The following POU6F2 variants were observed in gnomAD, a reference collection of about 807,000 sequenced individuals.
POU6F2 encodes POU domain, class 6, transcription factor 2.
In POU6F2, 31 loss-of-function variants were observed where a neutral mutation model predicts 71.3. The ratio of observed to expected loss-of-function variants is 0.43; its 90% CI spans 0.33 to 0.59. POU6F2 has a LOEUF of 0.59. Among genes scored for constraint, POU6F2 ranks in the 20% least tolerant of loss-of-function variants. The pLI is 0.04. For synonymous variants in POU6F2, 347 were observed against 355.7 expected, an observed-to-expected ratio of 0.98 and a Z score of 0.27; for missense variants, 783 against 856.8, an observed-to-expected ratio of 0.91 and a Z score of 1.07.
At chr7:39,342,761 A>G (rs1785944617) in intron 5 of POU6F2, among the ~76,000 whole-genome samples, 1 of 152,186 alleles carries the variant, frequency 6.6e-6, no homozygotes, top group African/African-American at 2.4e-5. Flanking sequence ...AGGTAGTAAC[A>G]CTCTAAACAA....
At chr7:38,996,578 A>G (rs1454075641) in intron 1 of POU6F2, among the ~76,000 whole-genome samples, 1 of 152,152 alleles carries the variant, frequency 6.6e-6, no homozygotes, top group Non-Finnish European at 1.5e-5. Context: ...ATCTACCTAG[A>G]AAACATCCAT....
chr7:39,048,562 C>T (rs182168633), intron 1 of POU6F2, among the ~76,000 whole-genome samples: 311 of 151,936 alleles, frequency 2.0e-3, no homozygotes, highest in African/African-American at 7.0e-3. Flanking sequence ...GTATATGTAC[C>T]GTGTTTTCTT....
chr7:39,000,979 G>A (rs1198552769), intron 1 of POU6F2, among the ~76,000 whole-genome samples: 3 of 152,096 alleles, frequency 2.0e-5, no homozygotes, highest in Non-Finnish European at 2.9e-5. Context: ...AGTATTTATC[G>A]TTTAAAATGA....
intron 5 of POU6F2, among the ~76,000 whole-genome samples, chr7:39,391,252 A>T (rs1330844548): frequency 6.6e-6 from 1 of 152,188 alleles, no homozygotes; most frequent in Non-Finnish European, 1.5e-5. Flanking sequence ...TTAGAAAAGT[A>T]AACATGTTTA....
chr7:39,358,062 A>G (rs1467578198), intron 5 of POU6F2, among the ~76,000 whole-genome samples: 1 of 152,248 alleles, frequency 6.6e-6, no homozygotes, highest in Non-Finnish European at 1.5e-5. Context: ...TTAGATTACA[A>G]TTCAAGCAAA....
At chr7:39,026,030 C>G (rs1789792289) in intron 1 of POU6F2, among the ~76,000 whole-genome samples, 1 of 152,202 alleles carries the variant, frequency 6.6e-6, no homozygotes, top group African/African-American at 2.4e-5. Context: ...CAGAGAAATG[C>G]AAATCGAAAC....
chr7:39,299,920 A>C (rs1001591911), intron 4 of POU6F2, among the ~76,000 whole-genome samples: 2 of 152,164 alleles, frequency 1.3e-5, no homozygotes, highest in Non-Finnish European at 2.9e-5. Context: ...CCAAACAGCC[A>C]CTGTTGTTTC....
rs553160330 is a variant in POU6F2 at position 39,414,749 on chromosome 7, A to G, written c.1113+8009A>G. Among the ~76,000 whole-genome samples, 170 of 150,800 alleles carry G rather than the reference A, an allele frequency of 1.1e-3. 1 individual carries two copies. The highest frequency in any genetic ancestry group is 3.5e-3 in the Middle Eastern group (1 of 286). On this transcript the variant is annotated intron_variant, in intron 6 of 9. Coordinates refer to ENST00000518318, the MANE Select transcript of POU6F2 (RefSeq NM_001370959.1). The stretch of plus-strand genomic sequence containing the variant: ...CATTTCTGAAATGAAAGAGTTATCA[A>G]TCGCTTTAGGGTTAACTTAAAGAAC...
Position 39,390,040 on chromosome 7 carries a change from C to G in POU6F2, c.973-16560C>G, listed in dbSNP as rs375780764. The stretch of plus-strand genomic sequence containing the variant: ...TTCTTTTTTTGGAATGTAAAAGATG[C>G]TACATCAGGTAGGTAGTGATAGTGA... On this transcript the variant is annotated intron_variant, in intron 5 of 9. Coordinates refer to ENST00000518318, the MANE Select transcript of POU6F2 (RefSeq NM_001370959.1). Among the ~76,000 whole-genome samples, 13 of 152,238 alleles carry G rather than the reference C, an allele frequency of 8.5e-5. No homozygotes were observed. In the East Asian group the frequency reaches 2.1e-3, roughly 25 times the overall value.
chr7:39,385,480 G>A (rs997620042), intron 5 of POU6F2, among the ~76,000 whole-genome samples: 4 of 152,206 alleles, frequency 2.6e-5, no homozygotes, highest in Non-Finnish European at 5.9e-5. Flanking sequence ...AGGTGTGAAA[G>A]AACATGTTGG....
chr7:39,418,999 A>T (rs1473632456), intron 6 of POU6F2, among the ~76,000 whole-genome samples: 14 of 139,920 alleles, frequency 1.0e-4, no homozygotes, highest in Admixed American at 8.5e-4. Flanking sequence ...ATATATGTGT[A>T]TATATGTGTA....
chr7:39,285,589 T>C (rs1460468620), intron 4 of POU6F2, among the ~76,000 whole-genome samples: 1 of 152,210 alleles, frequency 6.6e-6, no homozygotes, highest in Non-Finnish European at 1.5e-5. Context: ...ATGATATGGA[T>C]TTCAACATTT....
At chr7:39,301,620 G>C (rs953862560) in intron 4 of POU6F2, among the ~76,000 whole-genome samples, 2 of 152,134 alleles carry the variant, frequency 1.3e-5, no homozygotes, top group Non-Finnish European at 2.9e-5. Flanking sequence ...TGAATTTTTT[G>C]GACCCTTATT....
At chr7:39,160,964 G>A (rs1792982196) in intron 2 of POU6F2, among the ~76,000 whole-genome samples, 1 of 152,124 alleles carries the variant, frequency 6.6e-6, no homozygotes, top group African/African-American at 2.4e-5. Flanking sequence ...TGAGTTCATG[G>A]CAGCCGTTGA....
intron 4 of POU6F2, among the ~76,000 whole-genome samples, chr7:39,249,860 T>C (rs892300979): frequency 3.3e-5 from 5 of 152,190 alleles, no homozygotes; most frequent in African/African-American, 1.2e-4. Flanking sequence ...ACCTGCAGTA[T>C]TGATTTTTCC....
intron 2 of POU6F2, among the ~76,000 whole-genome samples, chr7:39,087,737 G>A (rs1344566544): frequency 6.6e-6 from 1 of 152,086 alleles, no homozygotes; most frequent in African/African-American, 2.4e-5. Context: ...AACTTTGCAT[G>A]CATTTAAAAT....
chr7:39,058,077 C>T (rs1450494349), intron 1 of POU6F2, among the ~76,000 whole-genome samples: 3 of 152,210 alleles, frequency 2.0e-5, no homozygotes, highest in Non-Finnish European at 2.9e-5. Context: ...CTCTCCTGCT[C>T]CAGCTCTTAG....
At chr7:39,458,844 A>G (rs762872493) in intron 8 of POU6F2, among the ~76,000 whole-genome samples, 1 of 151,910 alleles carries the variant, frequency 6.6e-6, no homozygotes, top group Non-Finnish European at 1.5e-5. Context: ...TCCTCCCTGC[A>G]TTTCTGCCTG....
At chr7:39,195,484 TGGA>T (rs1486710690) in intron 2 of POU6F2, among the ~76,000 whole-genome samples, 1 of 152,218 alleles carries the variant, frequency 6.6e-6, no homozygotes, top group African/African-American at 2.4e-5. Context: ...TCTGGGGTCT[TGGA>T]GGAGAAGAGG....
Sources: gnomAD v4.1 joint callset for allele counts (sites outside exome capture counted in the v4.1 genomes callset) on GRCh38, gnomAD v4.1.1 for gene constraint, MANE v1.5 for transcripts, NCBI Gene and HGNC (gene_info 2026-07-23, HGNC 2026-07-21) for gene names.